GALNT17: variants seen among roughly 807,000 people sequenced by gnomAD.
The protein encoded by GALNT17 is UDP-GalNAc:polypeptide N-acetylgalactosaminyltransferase-like 3.
In GALNT17, 29 loss-of-function variants were observed where a neutral mutation model predicts 63.7. The ratio of observed to expected loss-of-function variants is 0.46; its 90% CI spans 0.34 to 0.62. The LOEUF (loss-of-function observed/expected upper bound fraction) is 0.62, where lower values mean the gene tolerates loss of function less well. GALNT17 is among the 20% of genes least tolerant of loss of function. The pLI, the probability that GALNT17 is intolerant of heterozygous loss-of-function variation, is 0.01. For synonymous variants in GALNT17, 305 were observed against 318.3 expected, an observed-to-expected ratio of 0.96 and a Z score of 0.45; for missense variants, 603 against 799.6, an observed-to-expected ratio of 0.75 and a Z score of 2.97.
At chr7:71,569,461 A>G (rs1168410907) in intron 5 of GALNT17, among the ~76,000 whole-genome samples, 3 of 152,036 alleles carry the variant, frequency 2.0e-5, no homozygotes, top group East Asian at 1.9e-4. Context: ...CGAAGTGACT[A>G]TTGTTACCAT....
chr7:71,395,475 G>C (rs1163294192), intron 3 of GALNT17, among the ~76,000 whole-genome samples: 1 of 152,068 alleles, frequency 6.6e-6, no homozygotes, highest in Admixed American at 6.5e-5. Context: ...TTATTTATCT[G>C]TTTATCAGTT....
At chr7:71,421,236 C>T (rs11981404) in intron 5 of GALNT17, 131 bp downstream of exon 5, 11 of 933,878 alleles carry the variant, frequency 1.2e-5, no homozygotes, top group Admixed American at 5.7e-5. Context: ...CAGGAGCCGC[C>T]GTTGTCTCAG....
intron 5 of GALNT17, among the ~76,000 whole-genome samples, chr7:71,442,232 T>G (rs573151794): frequency 5.9e-5 from 9 of 152,310 alleles, no homozygotes; most frequent in Admixed American, 3.9e-4. Context: ...AGTCTCACTC[T>G]GTCACCCAGG....
intron 6 of GALNT17, among the ~76,000 whole-genome samples, chr7:71,595,431 CAA>C (rs113490447): frequency 9.4e-5 from 11 of 116,648 alleles, no homozygotes; most frequent in Non-Finnish European, 7.2e-5. Flanking sequence ...GACTCTGTCT[CAA>C]AAAAAAAAAA....
intron 1 of GALNT17, among the ~76,000 whole-genome samples, chr7:71,162,061 C>T (rs1357932195): frequency 1.8e-5 from 1 of 56,768 alleles, no homozygotes; most frequent in Non-Finnish European, 3.7e-5. Flanking sequence ...CCTCCCTTTC[C>T]TTCCTTCCTT....
At chr7:71,279,582 A>G (rs73354289) in intron 1 of GALNT17, among the ~76,000 whole-genome samples, 5,450 of 151,756 alleles carry the variant, frequency 0.036, 345 homozygotes, top group African/African-American at 0.12. Flanking sequence ...AATTACATCA[A>G]CAAGGACTAC....
intron 9 of GALNT17, among the ~76,000 whole-genome samples, chr7:71,701,250 G>A (rs1200056097): frequency 1.3e-5 from 2 of 152,170 alleles, no homozygotes; most frequent in Non-Finnish European, 2.9e-5. Context: ...ACTTTGGGAG[G>A]CCGAGGTAGG....
At chr7:71,221,011 T>C (rs914359807) in intron 1 of GALNT17, among the ~76,000 whole-genome samples, 1 of 152,108 alleles carries the variant, frequency 6.6e-6, no homozygotes, top group African/African-American at 2.4e-5. Flanking sequence ...CTGCTGGGAG[T>C]CTAGGCCTGC....
chr7:71,364,950 AG>A (rs1294962749), intron 2 of GALNT17, among the ~76,000 whole-genome samples: 3 of 45,972 alleles, frequency 6.5e-5, no homozygotes, highest in African/African-American at 2.2e-4. Context: ...TTTTATTTTG[AG>A]ATGGAGTCTC....
At chr7:71,228,685 C>T (rs1420312007) in intron 1 of GALNT17, among the ~76,000 whole-genome samples, 1 of 152,172 alleles carries the variant, frequency 6.6e-6, no homozygotes, top group African/African-American at 2.4e-5. Context: ...TTTGTCTTCA[C>T]CTCAACTCTT....
intron 5 of GALNT17, among the ~76,000 whole-genome samples, chr7:71,448,200 T>G (rs1787192575): frequency 6.6e-6 from 1 of 152,210 alleles, no homozygotes; most frequent in Non-Finnish European, 1.5e-5. Flanking sequence ...TCAATGTAAC[T>G]TGTCTCTTTC....
chr7:71,377,114 A>AAAATATATATATATATATATATAT, intron 2 of GALNT17, among the ~76,000 whole-genome samples: 2 of 57,462 alleles, frequency 3.5e-5, no homozygotes, highest in East Asian at 4.6e-4. Context: ...AAATAAAAAA[A>AAAATATATATATATATATATATAT]ATATATATAT....
At chr7:71,507,520 GCAGT>G (rs1788287591) in intron 5 of GALNT17, among the ~76,000 whole-genome samples, 2 of 152,148 alleles carry the variant, frequency 1.3e-5, no homozygotes, top group Non-Finnish European at 2.9e-5. Context: ...CAGCTGCCTG[GCAGT>G]CAGCACTCAC....
chr7:71,689,262 G>A (rs1335312665), intron 9 of GALNT17, among the ~76,000 whole-genome samples: 1 of 152,088 alleles, frequency 6.6e-6, no homozygotes. Context: ...AAAAGCTTTA[G>A]TGAGGAAGAC....
At chr7:71,227,113 G>A (rs1310652927) in intron 1 of GALNT17, among the ~76,000 whole-genome samples, 1 of 146,848 alleles carries the variant, frequency 6.8e-6, no homozygotes, top group Non-Finnish European at 1.5e-5. Context: ...CGAGGTGGGA[G>A]GATGGCTTGA....
intron 6 of GALNT17, among the ~76,000 whole-genome samples, chr7:71,595,235 G>A (rs759211427): frequency 4.6e-5 from 7 of 152,064 alleles, no homozygotes; most frequent in Admixed American, 1.3e-4. Context: ...CAGCCTGGAC[G>A]ACAAGGCAAG....
intron 1 of GALNT17, among the ~76,000 whole-genome samples, chr7:71,133,731 A>C (rs1386822082): frequency 6.6e-6 from 1 of 152,148 alleles, no homozygotes; most frequent in Non-Finnish European, 1.5e-5. Context: ...TGTCCCATCT[A>C]AAATGTTGTG....
intron 5 of GALNT17, among the ~76,000 whole-genome samples, chr7:71,469,509 C>T (rs1053726966): frequency 1.6e-4 from 25 of 152,044 alleles, no homozygotes; most frequent in African/African-American, 6.0e-4. Flanking sequence ...GATTTGTGGA[C>T]AGAAAAAGGA....
At chr7:71,516,228 T>C (rs1562672171) in intron 5 of GALNT17, among the ~76,000 whole-genome samples, 3 of 152,174 alleles carry the variant, frequency 2.0e-5, no homozygotes, top group African/African-American at 7.2e-5. Context: ...ATCTTGCAGC[T>C]TTCCATTTAG....
Sources: gnomAD v4.1 joint callset for allele counts (sites outside exome capture counted in the v4.1 genomes callset) on GRCh38, gnomAD v4.1.1 for gene constraint, MANE v1.5 for transcripts, NCBI Gene and HGNC (gene_info 2026-07-23, HGNC 2026-07-21) for gene names.